The following ARID1B variants were observed in gnomAD, a reference collection of about 807,000 sequenced individuals.
The protein encoded by ARID1B is AT-rich interactive domain-containing protein 1B.
ARID1B carries 30 observed loss-of-function variants against 212.3 expected under a neutral mutation model. The ratio of observed to expected loss-of-function variants is 0.14; its 90% CI spans 0.11 to 0.19. The LOEUF (loss-of-function observed/expected upper bound fraction) is 0.19. Among genes scored for constraint, ARID1B ranks in the 10% least tolerant of loss-of-function variants. ARID1B has a pLI of 1.00. For missense variants in ARID1B, 2,891 were observed against 3,204.0 expected (o/e 0.90, Z 2.36); for synonymous variants, 1,402 against 1,301.7 (o/e 1.08, Z -1.66).
chr6:156,846,591 T>G (rs973144737), intron 2 of ARID1B, among the ~76,000 whole-genome samples: 1 of 152,156 alleles, frequency 6.6e-6, no homozygotes, highest in Admixed American at 6.5e-5. Flanking sequence ...TTGGGCCATC[T>G]TGTTGGCAGA....
chr6:156,940,809 C>T (rs147578255), intron 4 of ARID1B: 77 of 152,170 alleles, frequency 5.1e-4, no homozygotes, highest in African/African-American at 1.8e-3. Context: ...CCGGGAAAAG[C>T]TTTTTAACTG....
chr6:157,089,832 T>A (rs1005597233), intron 5 of ARID1B, among the ~76,000 whole-genome samples: 1 of 152,188 alleles, frequency 6.6e-6, no homozygotes, highest in Non-Finnish European at 1.5e-5. Flanking sequence ...AATTCTGAAA[T>A]GTGTGATATT....
chr6:156,779,355 G>C lies in ARID1B; in HGVS notation c.1675G>C (p.Gly559Arg). ...GCAGGCGGCCGCGGGCATGGGCTTG[G>C]GCAAGGACATGGGCGCCCAGTACGC... ...GQQAAAGMGL[G>R]KDMGAQYAAA... The change falls in exon 1 of 20, where the codon GGC (glycine) becomes CGC (arginine). Residue 559 changes from glycine to arginine, a missense_variant. Around this residue, in one of 7 missense-constraint regions of ARID1B, gnomAD observed 1,643 missense variants for 1,544.0 expected, o/e 1.06. Transcript: ENST00000636930. 7.9e-7 allele frequency: 1 copy of C among 1,270,308 alleles called. No individual in the cohort carries two copies. Among genetic ancestry groups the C allele is most frequent in the East Asian group, 3.6e-5 (1 of 27,862 alleles). The allele number at this position is 1,270,308 out of a possible 1,614,324, so 78.7% of individuals were successfully genotyped here.
Position 156,892,806 on chromosome 6 carries a change from G to A in ARID1B, c.1987-8570G>A, listed in dbSNP as rs145567369. On this transcript the variant is annotated intron_variant, in intron 2 of 19. Coordinates refer to ENST00000636930, the MANE Select transcript of ARID1B (RefSeq NM_001374828.1). ...TGTTGAGAATGTATACATTTAATTA[G>A]TTCTTTTCAAAAAATAGTTCTTGAT... 5.5e-3 allele frequency among the ~76,000 whole-genome samples: 843 copies of A among 152,204 alleles called. 8 individuals are homozygous for A. Among genetic ancestry groups the A allele is most frequent in the African/African-American group, 0.019 (807 of 41,528 alleles).
chr6:157,195,014 A>G (rs1793620026), intron 15 of ARID1B: 1 of 152,236 alleles, frequency 6.6e-6, no homozygotes, highest in Non-Finnish European at 1.5e-5. Context: ...TCTAAAAAAC[A>G]TAATAAAAAT....
chr6:157,176,272 G>A (rs1224290265), intron 11 of ARID1B, among the ~76,000 whole-genome samples: 1 of 152,208 alleles, frequency 6.6e-6, no homozygotes. Context: ...GCGCTTCTAG[G>A]AGGGGTGCAT....
chr6:157,184,641 C>G, intron 13 of ARID1B: 2 of 629,012 alleles, frequency 3.2e-6, no homozygotes, highest in Non-Finnish European at 5.6e-6. Context: ...ATGGCCATTT[C>G]TGGTTGACAC....
At chr6:157,052,030 A>C (rs1208158597) in intron 4 of ARID1B, among the ~76,000 whole-genome samples, 1 of 152,228 alleles carries the variant, frequency 6.6e-6, no homozygotes, top group African/African-American at 2.4e-5. Flanking sequence ...GTTTGCAGAA[A>C]AAGACTGTTA....
In ARID1B at chr6:157,073,894, T is replaced by C. The variant is rs141071887; in HGVS notation, c.2248-10768T>C. ...GCAACTCAGTTAACTCTCTCAACAC[T>C]GTGAGTTCATTATTTATTATCCACA... On this transcript the variant is annotated intron_variant, in intron 4 of 19. Coordinates refer to ENST00000636930, the MANE Select transcript of ARID1B (RefSeq NM_001374828.1). Among the ~76,000 whole-genome samples, 3 of 152,344 alleles carry C rather than the reference T, an allele frequency of 2.0e-5. 1 individual carries two copies. The East Asian group carries it at 5.8e-4, about 29-fold the overall frequency.
In ARID1B at chr6:157,094,493, T is replaced by A. The variant is rs1785483848; in HGVS notation, c.2491+9588T>A. On this transcript the variant is annotated intron_variant, in intron 5 of 19. Coordinates refer to ENST00000636930, the MANE Select transcript of ARID1B (RefSeq NM_001374828.1). The surrounding 1 kb of genome is among the most constrained non-coding windows in gnomAD (Gnocchi z 4.3). The stretch of plus-strand genomic sequence containing the variant: ...CCTCAGCCTCCCGAGTAGCTGGGAC[T>A]ATAGGCACATGTCACCACGCTTGGC... Among the ~76,000 whole-genome samples the A allele has an allele frequency of 6.6e-6, 1 of 152,162 alleles. No homozygotes were observed. Among genetic ancestry groups the A allele is most frequent in the South Asian group, 2.1e-4 (1 of 4,828 alleles).
rs556518973 is a variant in ARID1B, at chr6:156,972,577, G to A, written c.2247+37001G>A. On this transcript the variant is annotated intron_variant, in intron 4 of 19. Coordinates refer to ENST00000636930, the MANE Select transcript of ARID1B (RefSeq NM_001374828.1). ...TGTGAACATAAATTTGGATAGCATG[G>A]TTTGAAATCAGAACCATAAGCACGT... Among the ~76,000 whole-genome samples the A allele has an allele frequency of 1.4e-4, 21 of 152,296 alleles. No individual in the cohort carries two copies. In the East Asian group the frequency reaches 4.0e-3, roughly 29 times the overall value.
At chr6:157,045,641 A>G (rs1376548595) in intron 4 of ARID1B, among the ~76,000 whole-genome samples, 1 of 152,216 alleles carries the variant, frequency 6.6e-6, no homozygotes, top group Non-Finnish European at 1.5e-5. Flanking sequence ...TATATTTAAG[A>G]TAACCAATGT....
chr6:157,039,952 T>C (rs945332587), intron 4 of ARID1B, among the ~76,000 whole-genome samples: 15 of 150,584 alleles, frequency 1.0e-4, no homozygotes, highest in African/African-American at 3.7e-4. Context: ...TTTTCTGTCT[T>C]CTTTTTTTTT....
chr6:157,080,755 T>C (rs1345935427), intron 4 of ARID1B, among the ~76,000 whole-genome samples: 3 of 152,212 alleles, frequency 2.0e-5, no homozygotes, highest in African/African-American at 7.2e-5. Context: ...AATGAAAATT[T>C]TACATGGGCA....
chr6:156,991,351 C>G (rs868773286), intron 4 of ARID1B, among the ~76,000 whole-genome samples: 129 of 152,322 alleles, frequency 8.5e-4, no homozygotes, highest in African/African-American at 3.0e-3. Context: ...TTGCCTCAGC[C>G]TCCCAAGTAG....
intron 4 of ARID1B, among the ~76,000 whole-genome samples, chr6:156,958,987 C>T (rs1327013754): frequency 6.6e-6 from 1 of 152,144 alleles, no homozygotes; most frequent in Non-Finnish European, 1.5e-5. Context: ...GTGCCTCAAC[C>T]TAAACACCAA....
chr6:156,915,465 G>A (rs1308405017), intron 3 of ARID1B, among the ~76,000 whole-genome samples: 1 of 152,062 alleles, frequency 6.6e-6, no homozygotes, highest in African/African-American at 2.4e-5. Flanking sequence ...CTACTCAGGA[G>A]GCTGAGGGAG....
intron 4 of ARID1B, among the ~76,000 whole-genome samples, chr6:156,966,930 C>G (rs1794809048): frequency 6.6e-6 from 1 of 151,942 alleles, no homozygotes; most frequent in Non-Finnish European, 1.5e-5. Flanking sequence ...GAACTCCTGA[C>G]CTCAGGTGAT....
At chr6:156,789,119 A>G (rs932465033) in intron 1 of ARID1B, among the ~76,000 whole-genome samples, 6 of 152,192 alleles carry the variant, frequency 3.9e-5, no homozygotes, top group Non-Finnish European at 2.9e-5. Context: ...TTCATTTCCA[A>G]TATCAGTTGC....
Sources: gnomAD v4.1 joint callset for allele counts (sites outside exome capture counted in the v4.1 genomes callset) on GRCh38, gnomAD v4.1.1 for gene constraint, gnomAD v4.1.1 regional missense constraint, Gnocchi (gnomAD v3.1) non-coding constraint, MANE v1.5 for transcripts, NCBI Gene and HGNC (gene_info 2026-07-23, HGNC 2026-07-21) for gene names.